Variants in TMEM232 observed in about 807,000 individuals in gnomAD.
The protein encoded by TMEM232 is transmembrane protein 232.
TMEM232 carries 80 observed loss-of-function variants against 78.8 expected under a neutral mutation model. The observed-to-expected ratio is 1.01, with a 90% confidence interval of 0.85 to 1.22. The LOEUF (loss-of-function observed/expected upper bound fraction) is 1.22, where lower values mean the gene tolerates loss of function less well. TMEM232 is among the 50% of genes most tolerant of loss of function. The pLI is 0.00. For synonymous variants in TMEM232, 297 were observed against 254.3 expected, an observed-to-expected ratio of 1.17 and a Z score of -1.60; for missense variants, 881 against 742.2, an observed-to-expected ratio of 1.19 and a Z score of -2.17.
At chr5:110,597,532 C>T (rs1434315625) in intron 10 of TMEM232, among the ~76,000 whole-genome samples, 1 of 151,708 alleles carries the variant, frequency 6.6e-6, no homozygotes, top group Non-Finnish European at 1.5e-5. Flanking sequence ...TCATATGGAA[C>T]CAAAAAAGAG....
intron 12 of TMEM232, among the ~76,000 whole-genome samples, chr5:110,481,727 G>C (rs1157213001): frequency 6.6e-6 from 1 of 152,184 alleles, no homozygotes; most frequent in Non-Finnish European, 1.5e-5. Flanking sequence ...TTTGAGACAA[G>C]AGTAGACTTT....
chr5:110,557,863 C>A (rs1024707427), intron 11 of TMEM232, among the ~76,000 whole-genome samples: 10 of 152,132 alleles, frequency 6.6e-5, no homozygotes, highest in Non-Finnish European at 1.3e-4. Context: ...ATATCAAAGA[C>A]ACTCTGGCTT....
chr5:110,580,307 C>T lies in TMEM232; in HGVS notation c.1277-11682G>A, dbSNP rs149976662. The stretch of plus-strand genomic sequence containing the variant: ...GTAATGTTGTAGTGCAATGCATTAC[C>T]TTTTCTATGTTTAGAGACACAAACA... On this transcript the variant is annotated intron_variant, in intron 10 of 13. Coordinates refer to ENST00000455884, the MANE Select transcript of TMEM232 (RefSeq NM_001039763.4). 9.7e-3 allele frequency among the ~76,000 whole-genome samples: 1,465 copies of T among 151,498 alleles called. 34 individuals carry two copies. The highest frequency in any genetic ancestry group is 0.033 in the African/African-American group (1,367 of 41,318).
intron 12 of TMEM232, among the ~76,000 whole-genome samples, chr5:110,480,346 G>A (rs1436820669): frequency 2.0e-5 from 3 of 151,848 alleles, no homozygotes; most frequent in African/African-American, 4.8e-5. Flanking sequence ...ATATGCAAAT[G>A]TCAGTCTTTT....
At chr5:110,696,474 A>T (rs1794792948) in intron 1 of TMEM232, among the ~76,000 whole-genome samples, 1 of 152,186 alleles carries the variant, frequency 6.6e-6, no homozygotes. Flanking sequence ...AGGAGAAGGA[A>T]ATAAAGGGCA....
chr5:110,491,753 C>T (rs895061101), intron 12 of TMEM232, among the ~76,000 whole-genome samples: 4 of 151,426 alleles, frequency 2.6e-5, no homozygotes, highest in South Asian at 4.2e-4. Flanking sequence ...AGGTTAAAGA[C>T]GAGGAATAAA....
chr5:110,638,856 A>T (rs760254859), intron 4 of TMEM232, among the ~76,000 whole-genome samples: 1 of 152,226 alleles, frequency 6.6e-6, no homozygotes, highest in Non-Finnish European at 1.5e-5. Context: ...GAAATAGGAC[A>T]GAACCAGATG....
chr5:110,623,475 G>A (rs556088034), intron 7 of TMEM232, among the ~76,000 whole-genome samples: 1 of 152,050 alleles, frequency 6.6e-6, no homozygotes, highest in South Asian at 2.1e-4. Flanking sequence ...ACAATCATAA[G>A]GAAAGGAGAT....
At chr5:110,690,027 A>G (rs1358497316) in intron 1 of TMEM232, among the ~76,000 whole-genome samples, 1 of 152,250 alleles carries the variant, frequency 6.6e-6, no homozygotes, top group Non-Finnish European at 1.5e-5. Context: ...TAAAACCATA[A>G]AAACCTTAGA....
In TMEM232 at chr5:110,693,866, T is replaced by C. The variant is rs541596870; in HGVS notation, c.-12-26502A>G. 3.2e-3 allele frequency among the ~76,000 whole-genome samples: 485 copies of C among 152,286 alleles called. 1 individual carries two copies. Among genetic ancestry groups the C allele is most frequent in the African/African-American group, 0.011 (466 of 41,550 alleles). ...AAGTGACGGGGAGAATGGAACCAAG[T>C]TGGAAAACACTCTGTAGGATATTAT... On this transcript the variant is annotated intron_variant, in intron 1 of 13. Transcript: ENST00000455884.
intron 12 of TMEM232, among the ~76,000 whole-genome samples, chr5:110,428,114 C>A (rs1044526546): frequency 6.6e-6 from 1 of 151,896 alleles, no homozygotes; most frequent in East Asian, 1.9e-4. Flanking sequence ...TACCCATTAA[C>A]CATTCCTACC....
chr5:110,682,143 T>C (rs1181052977), intron 1 of TMEM232, among the ~76,000 whole-genome samples: 1 of 152,198 alleles, frequency 6.6e-6, no homozygotes, highest in Non-Finnish European at 1.5e-5. Flanking sequence ...AAGAAGTAGC[T>C]ATAATTTTTC....
chr5:110,488,802 A>G (rs1298620796), intron 12 of TMEM232, among the ~76,000 whole-genome samples: 1 of 152,028 alleles, frequency 6.6e-6, no homozygotes, highest in Non-Finnish European at 1.5e-5. Flanking sequence ...AAAAATGACA[A>G]TCCTTTAGCT....
intron 12 of TMEM232, among the ~76,000 whole-genome samples, chr5:110,435,739 C>G (rs1580670940): frequency 6.6e-6 from 1 of 151,824 alleles, no homozygotes; most frequent in Non-Finnish European, 1.5e-5. Flanking sequence ...CTTATTTCAC[C>G]TAACATGATG....
At chr5:110,430,120 A>G (rs1307550748) in intron 12 of TMEM232, 1 of 151,182 alleles carries the variant, frequency 6.6e-6, no homozygotes, top group Non-Finnish European at 1.5e-5. Flanking sequence ...AAGAGGGATG[A>G]TATCAGAAAA....
intron 1 of TMEM232, among the ~76,000 whole-genome samples, chr5:110,693,293 A>C (rs1474501344): frequency 6.6e-6 from 1 of 152,200 alleles, no homozygotes; most frequent in Non-Finnish European, 1.5e-5. Flanking sequence ...CCACACCAAA[A>C]ACCCATCTGT....
chr5:110,442,761 C>A (rs1427502621), intron 12 of TMEM232, among the ~76,000 whole-genome samples: 2 of 152,032 alleles, frequency 1.3e-5, no homozygotes, highest in Non-Finnish European at 2.9e-5. Context: ...TGTGGTCATC[C>A]TTCTGGAGAA....
chr5:110,420,980 A>C (rs1756573661), intron 13 of TMEM232, among the ~76,000 whole-genome samples: 1 of 87,754 alleles, frequency 1.1e-5, no homozygotes, highest in African/African-American at 1.5e-4. Flanking sequence ...TTAAAGACAA[A>C]AAAAAAAACA....
intron 12 of TMEM232, among the ~76,000 whole-genome samples, chr5:110,526,015 C>A: frequency 8.3e-6 from 1 of 120,834 alleles, no homozygotes; most frequent in Non-Finnish European, 1.6e-5. Flanking sequence ...CTACACCTCA[C>A]ACCATACACC....
Sources: gnomAD v4.1 joint callset for allele counts (sites outside exome capture counted in the v4.1 genomes callset) on GRCh38, gnomAD v4.1.1 for gene constraint, MANE v1.5 for transcripts, NCBI Gene and HGNC (gene_info 2026-07-23, HGNC 2026-07-21) for gene names.